STK39: variants seen among roughly 807,000 people sequenced by gnomAD.
STK39 encodes the protein serine/threonine kinase 39.
In STK39, 20 loss-of-function variants were observed where a neutral mutation model predicts 77.8. The observed-to-expected ratio is 0.26, with a 90% CI of 0.18 to 0.37. The LOEUF is 0.37. Ranked by LOEUF, STK39 falls within the 10% of genes least tolerant of loss-of-function variation. The pLI, the probability that STK39 is intolerant of heterozygous loss-of-function variation, is 1.00. For missense variants in STK39, 479 were observed against 656.5 expected, an observed-to-expected ratio of 0.73 and a Z score of 2.95; for synonymous variants, 246 against 234.1, an observed-to-expected ratio of 1.05 and a Z score of -0.47.
chr2:168,041,117 G>A (rs1046037544), intron 14 of STK39, among the ~76,000 whole-genome samples: 2 of 152,122 alleles, frequency 1.3e-5, no homozygotes, highest in Non-Finnish European at 2.9e-5. Flanking sequence ...ACCTCAGCAG[G>A]TGTGTCCAGG....
chr2:168,044,328 T>A (rs6751071), intron 14 of STK39, among the ~76,000 whole-genome samples: 1 of 152,098 alleles, frequency 6.6e-6, no homozygotes, highest in East Asian at 1.9e-4. Flanking sequence ...AATAGATATA[T>A]GGTCCTTTCC....
chr2:168,174,967 C>A (rs997278241), intron 2 of STK39, among the ~76,000 whole-genome samples: 2 of 151,992 alleles, frequency 1.3e-5, no homozygotes, highest in African/African-American at 4.8e-5. Context: ...TTCACCACCA[C>A]ACAGTGACAA....
chr2:168,094,779 A>G (rs1686617098), intron 10 of STK39, among the ~76,000 whole-genome samples: 1 of 152,088 alleles, frequency 6.6e-6, no homozygotes, highest in African/African-American at 2.4e-5. Context: ...GGCTTCCACA[A>G]TCACCTCCAT....
chr2:168,239,700 T>C (rs1033468145), intron 1 of STK39, among the ~76,000 whole-genome samples: 1 of 152,172 alleles, frequency 6.6e-6, no homozygotes, highest in African/African-American at 2.4e-5. Context: ...CCAGAAAACA[T>C]TTATTAAATA....
At chr2:168,125,220 CA>C (rs375929537) in intron 10 of STK39, among the ~76,000 whole-genome samples, 3,037 of 141,252 alleles carry the variant, frequency 0.022, 47 homozygotes, top group Middle Eastern at 0.049. Flanking sequence ...TTTTGATAAT[CA>C]AAAAAAAAAA....
intron 4 of STK39, 21 bp downstream of exon 4, chr2:168,163,718 A>G (rs368928710): frequency 6.2e-7 from 1 of 1,613,546 alleles, no homozygotes; most frequent in Non-Finnish European, 8.5e-7. Context: ...CTGAATTTAA[A>G]CATCTCTGCA....
chr2:168,106,066 G>T (rs576876697), intron 10 of STK39, among the ~76,000 whole-genome samples: 1 of 152,204 alleles, frequency 6.6e-6, no homozygotes, highest in Non-Finnish European at 1.5e-5. Flanking sequence ...AGATGCAAAT[G>T]ATTCTCCTGC....
chr2:168,016,387 C>CAAAAAAAAAAAAAAAAAAAA (rs869084308), intron 15 of STK39, among the ~76,000 whole-genome samples: 2 of 65,648 alleles, frequency 3.0e-5, no homozygotes, highest in African/African-American at 1.1e-4. Flanking sequence ...GGCCTTTGTT[C>CAAAAAAAAAAAAAAAAAAAA]AAAAAAAAAA....
intron 1 of STK39, among the ~76,000 whole-genome samples, chr2:168,230,675 G>C (rs185834903): frequency 2.0e-5 from 3 of 152,096 alleles, no homozygotes; most frequent in African/African-American, 7.2e-5. Context: ...TGAGAGAACC[G>C]AGCCTTTCAG....
chr2:168,081,377 A>G (rs1178415292), intron 10 of STK39, among the ~76,000 whole-genome samples: 1 of 152,180 alleles, frequency 6.6e-6, no homozygotes, highest in Non-Finnish European at 1.5e-5. Flanking sequence ...TGACTGCCTC[A>G]CTGGATTTCA....
intron 14 of STK39, among the ~76,000 whole-genome samples, chr2:168,019,203 GA>G (rs1447882101): frequency 6.6e-6 from 1 of 152,182 alleles, no homozygotes; most frequent in Non-Finnish European, 1.5e-5. Context: ...CACCCTAAAA[GA>G]AAGTAGATAC....
intron 5 of STK39, among the ~76,000 whole-genome samples, chr2:168,156,500 A>T (rs1435211388): frequency 6.6e-6 from 1 of 152,230 alleles, no homozygotes; most frequent in Admixed American, 6.5e-5. Flanking sequence ...ATAACACGGC[A>T]GGAGGTCAGA....
chr2:168,240,729 G>C (rs140146346), intron 1 of STK39, among the ~76,000 whole-genome samples: 1 of 152,236 alleles, frequency 6.6e-6, no homozygotes, highest in African/African-American at 2.4e-5. Context: ...CATTAAAAAG[G>C]TAGTCCAAAC....
chr2:168,024,553 C>T lies in STK39; in HGVS notation c.1377-7458G>A, dbSNP rs112637065. On this transcript the variant is annotated intron_variant, in intron 14 of 17. Coordinates refer to ENST00000355999, the MANE Select transcript of STK39 (RefSeq NM_013233.3). ...TTTGCTCTCTCTCACCCTCTCTTTG[C>T]ACTTCTGCCATGGCATGACACAGCA... Among the ~76,000 whole-genome samples the T allele has an allele frequency of 2.8e-3, 429 of 152,270 alleles. 1 individual carries two copies. Among genetic ancestry groups the T allele is most frequent in the African/African-American group, 9.8e-3 (408 of 41,554 alleles).
intron 14 of STK39, among the ~76,000 whole-genome samples, chr2:168,055,012 C>T (rs965104308): frequency 6.6e-6 from 1 of 152,142 alleles, no homozygotes; most frequent in Non-Finnish European, 1.5e-5. Context: ...AGAAACCTTG[C>T]TTTATTCATT....
intron 1 of STK39, among the ~76,000 whole-genome samples, chr2:168,242,274 CAA>C (rs1049288066): frequency 1.3e-5 from 2 of 151,814 alleles, no homozygotes; most frequent in Non-Finnish European, 2.9e-5. Context: ...AAAAATAATA[CAA>C]AAGAGGCCGG....
intron 16 of STK39, among the ~76,000 whole-genome samples, chr2:167,977,438 T>A (rs988921015): frequency 1.3e-5 from 2 of 152,186 alleles, no homozygotes; most frequent in Non-Finnish European, 2.9e-5. Context: ...GTTTAATTTC[T>A]CTTCAGAATG....
chr2:168,072,778 C>G (rs1685974107), intron 12 of STK39, among the ~76,000 whole-genome samples: 1 of 152,162 alleles, frequency 6.6e-6, no homozygotes, highest in Non-Finnish European at 1.5e-5. Flanking sequence ...CAGAGGGACA[C>G]TTTAATTAAA....
At chr2:168,092,709 T>C (rs547376622) in intron 10 of STK39, among the ~76,000 whole-genome samples, 2 of 152,344 alleles carry the variant, frequency 1.3e-5, no homozygotes, top group African/African-American at 2.4e-5. Flanking sequence ...TCTAATCCTC[T>C]CATCACATCT....
Sources: allele counts gnomAD v4.1 joint callset (sites outside exome capture counted in the v4.1 genomes callset), GRCh38; gene constraint gnomAD v4.1.1; transcripts MANE v1.5; gene names NCBI Gene and HGNC (gene_info 2026-07-23, HGNC 2026-07-21).